The following ANKRD28 variants were observed in gnomAD, a reference collection of about 807,000 sequenced individuals.
The protein encoded by ANKRD28 is serine/threonine-protein phosphatase 6 regulatory ankyrin repeat subunit A.
ANKRD28 carries 44 observed loss-of-function variants against 126.5 expected under a neutral mutation model. That is an observed-to-expected ratio of 0.35 (90% CI 0.27 to 0.45). ANKRD28 has a LOEUF of 0.45. Among genes scored for constraint, ANKRD28 ranks in the 20% least tolerant of loss-of-function variants. The pLI is 1.00. For synonymous variants in ANKRD28, 442 were observed against 468.5 expected (o/e 0.94, Z 0.73); for missense variants, 1,110 against 1,316.6 (o/e 0.84, Z 2.43).
intron 17 of ANKRD28, among the ~76,000 whole-genome samples, chr3:15,693,372 A>C (rs1355577558): frequency 6.6e-6 from 1 of 152,050 alleles, no homozygotes; most frequent in Non-Finnish European, 1.5e-5. Flanking sequence ...ATCAATGTAT[A>C]GCACACTGTT....
intron 1 of ANKRD28, among the ~76,000 whole-genome samples, chr3:15,804,602 G>A (rs1458823752): frequency 6.9e-6 from 1 of 145,248 alleles, no homozygotes; most frequent in Non-Finnish European, 1.5e-5. Flanking sequence ...AATGGCTCAC[G>A]GTGTCCAGGA....
chr3:15,747,238 T>C (rs2057536916), intron 4 of ANKRD28, among the ~76,000 whole-genome samples: 1 of 152,006 alleles, frequency 6.6e-6, no homozygotes, highest in African/African-American at 2.4e-5. Flanking sequence ...TCTGCTGGGT[T>C]TGGGTTTGGG....
chr3:15,689,445 C>T (rs1234774844), intron 18 of ANKRD28, among the ~76,000 whole-genome samples: 1 of 152,114 alleles, frequency 6.6e-6, no homozygotes, highest in Non-Finnish European at 1.5e-5. Flanking sequence ...CTGAGGGGCC[C>T]CTAAAATTGC....
chr3:15,834,410 A>C lies in ANKRD28; in HGVS notation c.27+24967T>G, dbSNP rs185764514. On this transcript the variant is annotated intron_variant, in intron 1 of 27. Coordinates refer to the ANKRD28 transcript ENST00000399451. ...TCCCTATTTTGTTCCAGTAATATAT[A>C]TATCTATTTTTATGCCAGTACCATG... 3.9e-5 allele frequency among the ~76,000 whole-genome samples: 6 copies of C among 152,204 alleles called. No individual in the cohort carries two copies. In the East Asian group the frequency reaches 1.2e-3, roughly 29 times the overall value.
At chr3:15,753,327 G>T (rs1246292532) in intron 3 of ANKRD28, among the ~76,000 whole-genome samples, 1 of 152,218 alleles carries the variant, frequency 6.6e-6, no homozygotes, top group African/African-American at 2.4e-5. Flanking sequence ...AATGTACAAA[G>T]TACACACATT....
rs1228236132 is a variant in ANKRD28, at chr3:15,816,196, T to C, written c.28-20890A>G. 6.6e-6 allele frequency among the ~76,000 whole-genome samples: 1 copy of C among 152,234 alleles called. No individual in the cohort carries two copies. The highest frequency in any genetic ancestry group is 1.5e-5 in the Non-Finnish European group (1 of 68,048). ...TTGCAATGATTTTCATTGTATTAAC[T>C]AAAATTTACATATCTTATAGAAAAA... On this transcript the variant is annotated intron_variant, in intron 1 of 27. Coordinates refer to the ANKRD28 transcript ENST00000399451. The surrounding 1 kb of genome is among the most constrained non-coding windows in gnomAD (Gnocchi z 5.0).
intron 8 of ANKRD28, among the ~76,000 whole-genome samples, 162 bp from the exon 9 acceptor site, chr3:15,714,818 A>G (rs571317419): frequency 6.6e-6 from 1 of 152,332 alleles, no homozygotes; most frequent in South Asian, 2.1e-4. Context: ...AAAATTAGGA[A>G]TTAATTTTTT....
chr3:15,724,873 T>G (rs2345679), intron 6 of ANKRD28, among the ~76,000 whole-genome samples: 2,893 of 152,144 alleles, frequency 0.019, 209 homozygotes, highest in Admixed American at 0.12. Flanking sequence ...CTCAGTTACT[T>G]GGGAGGCTGA....
intron 18 of ANKRD28, among the ~76,000 whole-genome samples, chr3:15,686,908 G>T (rs1238962324): frequency 1.3e-5 from 2 of 150,824 alleles, no homozygotes; most frequent in Admixed American, 6.6e-5. Flanking sequence ...CACCGTTGTA[G>T]AATCAACCAA....
chr3:15,807,769 T>C (rs901940930), intron 1 of ANKRD28, among the ~76,000 whole-genome samples: 6 of 152,184 alleles, frequency 3.9e-5, no homozygotes, highest in African/African-American at 1.4e-4. Flanking sequence ...TTTAAAATAT[T>C]TGAAGTACTG....
intron 7 of ANKRD28, among the ~76,000 whole-genome samples, chr3:15,722,916 C>T (rs149969270): frequency 3.3e-5 from 5 of 151,828 alleles, no homozygotes; most frequent in Non-Finnish European, 7.4e-5. Context: ...TGTGGTAATT[C>T]TCTACGAAAC....
At chr3:15,783,444 C>T (rs768823221) in intron 2 of ANKRD28, among the ~76,000 whole-genome samples, 26 of 151,854 alleles carry the variant, frequency 1.7e-4, no homozygotes, top group Non-Finnish European at 1.5e-5. Context: ...ATGATACAAT[C>T]AGTTTGGGAA....
Position 15,679,517 on chromosome 3 carries a change from C to T in ANKRD28, c.2436G>A (p.Gln812=). 6.2e-7 allele frequency: 1 copy of T among 1,613,694 alleles called. No homozygotes were observed. Among genetic ancestry groups the T allele is most frequent in the Non-Finnish European group, 8.5e-7 (1 of 1,179,742 alleles). Residue 812 remains glutamine, a synonymous_variant, in exon 22 of 28, where the codon CAG becomes CAA. Transcript: ENST00000683139. ...VELLLEQEVF[Q]KTEGNAFSPL... ...GACTAAAAGCATTTCCTTCCGTTTT[C>T]TGGAAAACTTCCTGTTCTAAAAGCA...
Position 15,694,823 on chromosome 3 carries a change from A to AAG in ANKRD28, c.1687-12_1687-11dup, listed in dbSNP as rs2069299867. On this transcript the variant is annotated splice_polypyrimidine_tract_variant and intron_variant, in intron 16 of 27. Coordinates refer to ENST00000683139, the MANE Select transcript of ANKRD28 (RefSeq NM_001349278.2). The stretch of plus-strand genomic sequence containing the variant: ...CTGAGGTTTCCATTAACTGAAAAAG[A>AAG]AGAGGCATTTTAAATGTCAGAAAGA... The AAG allele has an allele frequency of 2.5e-6, 4 of 1,612,506 alleles. No homozygotes were observed. The African/African-American group carries it at 5.3e-5, about 22-fold the overall frequency.
At chr3:15,677,396 T>C (rs2067054223) in intron 25 of ANKRD28, 84 bp downstream of exon 25, 5 of 962,618 alleles carry the variant, frequency 5.2e-6, no homozygotes, top group Admixed American at 3.9e-5. Flanking sequence ...TGGTCCTGAG[T>C]TGTTCATTTT....
intron 1 of ANKRD28, among the ~76,000 whole-genome samples, chr3:15,803,508 T>C (rs2060507021): frequency 6.6e-6 from 1 of 150,638 alleles, no homozygotes; most frequent in Non-Finnish European, 1.5e-5. Context: ...TCCCAGCTAC[T>C]CAAGAGGCTG....
rs747955332 is a variant in ANKRD28, at chr3:15,686,319, GA to G, written c.1964-11del. 1 of 1,551,940 alleles carries G rather than the reference GA, an allele frequency of 6.4e-7. No individual in the cohort carries two copies. The highest frequency in any genetic ancestry group is 8.8e-7 in the Non-Finnish European group (1 of 1,141,668). ...GAATGACCATTTGTTGCTGTAAAGT[GA>G]AATTTAAACATTTCAGTAATTACAT... On this transcript the variant is annotated splice_polypyrimidine_tract_variant and intron_variant, in intron 18 of 27. Coordinates refer to ENST00000683139, the MANE Select transcript of ANKRD28 (RefSeq NM_001349278.2).
At chr3:15,795,594 T>C (rs991947966) in intron 1 of ANKRD28, among the ~76,000 whole-genome samples, 2 of 152,132 alleles carry the variant, frequency 1.3e-5, no homozygotes, top group Non-Finnish European at 2.9e-5. Context: ...TTTCTGTATA[T>C]GACAAAAAGA....
chr3:15,776,531 T>A (rs1226149463), intron 2 of ANKRD28, among the ~76,000 whole-genome samples: 1 of 152,102 alleles, frequency 6.6e-6, no homozygotes, highest in Non-Finnish European at 1.5e-5. Context: ...TAAATTATAT[T>A]GCTTGGGGAA....
Sources: gnomAD v4.1 joint callset for allele counts (sites outside exome capture counted in the v4.1 genomes callset) on GRCh38, gnomAD v4.1.1 for gene constraint, Gnocchi (gnomAD v3.1) non-coding constraint, MANE v1.5 for transcripts, NCBI Gene and HGNC (gene_info 2026-07-23, HGNC 2026-07-21) for gene names.